DOCK1: variants seen among roughly 807,000 people sequenced by gnomAD.
DOCK1 encodes the protein dedicator of cytokinesis 1.
A neutral mutation model predicts 262.7 loss-of-function variants in DOCK1; 138 were observed. That is an observed-to-expected ratio of 0.53 (90% CI 0.46 to 0.61). DOCK1 has a LOEUF of 0.61. Among genes scored for constraint, DOCK1 ranks in the 20% least tolerant of loss-of-function variants. DOCK1 has a pLI of 0.00. For missense variants in DOCK1, 1,908 were observed against 2,370.7 expected (o/e 0.80, Z 4.05); for synonymous variants, 866 against 867.4 (o/e 1.00, Z 0.03).
intron 29 of DOCK1, among the ~76,000 whole-genome samples, chr10:127,311,024 T>C (rs1283802213): frequency 6.6e-6 from 1 of 152,226 alleles, no homozygotes; most frequent in African/African-American, 2.4e-5. Context: ...TACAGAGATA[T>C]TTGAAGATGA....
At chr10:127,124,149 G>A (rs1426997078) in intron 25 of DOCK1, among the ~76,000 whole-genome samples, 1 of 152,176 alleles carries the variant, frequency 6.6e-6, no homozygotes, top group Non-Finnish European at 1.5e-5. Context: ...TTACAGTGTA[G>A]TTCTTGGGAA....
At chr10:127,089,344 C>T (rs767631832) in intron 23 of DOCK1, among the ~76,000 whole-genome samples, 1 of 152,148 alleles carries the variant, frequency 6.6e-6, no homozygotes, top group Non-Finnish European at 1.5e-5. Context: ...CTGGAGGCCC[C>T]CACATCTGGA....
chr10:127,403,829 C>T (rs1343261216), intron 39 of DOCK1, among the ~76,000 whole-genome samples: 1 of 152,184 alleles, frequency 6.6e-6, no homozygotes, highest in Non-Finnish European at 1.5e-5. Flanking sequence ...TTTCTTCTGC[C>T]ATGGGAATGC....
At chr10:127,270,004 C>T (rs900635378) in intron 29 of DOCK1, among the ~76,000 whole-genome samples, 7 of 152,196 alleles carry the variant, frequency 4.6e-5, no homozygotes, top group Non-Finnish European at 4.4e-5. Context: ...CCGGGGACTC[C>T]ACCTGCCTCC....
intron 27 of DOCK1, among the ~76,000 whole-genome samples, chr10:127,241,139 C>G (rs2498938): frequency 6.6e-6 from 1 of 152,130 alleles, no homozygotes; most frequent in South Asian, 2.1e-4. Flanking sequence ...CCTGGCCAAC[C>G]TGGCAAAACC....
At chr10:127,337,281 G>A (rs919446775) in intron 29 of DOCK1, among the ~76,000 whole-genome samples, 1 of 152,046 alleles carries the variant, frequency 6.6e-6, no homozygotes, top group Admixed American at 6.6e-5. Context: ...GGGTCAGGTG[G>A]GTTACTTAGA....
In DOCK1 at chr10:127,175,340, A is replaced by G. The variant is rs148082953; in HGVS notation, c.2847+47576A>G. The G allele has an allele frequency of 1.9e-5, 30 of 1,614,072 alleles. No individual in the cohort carries two copies. The highest frequency in any genetic ancestry group is 6.7e-5 in the African/African-American group (5 of 75,028). On this transcript the variant is annotated intron_variant, in intron 27 of 51. Coordinates refer to ENST00000623213, the MANE Select transcript of DOCK1 (RefSeq NM_001290223.2). This position sits in a 1 kb window ranked among gnomAD's most constrained non-coding sequence, Gnocchi z 6.3. ...GTGCTTTGAGGTCGACCACTTCCGT[A>G]TGAGGCACGATTCGTTGGCATTCTT...
intron 27 of DOCK1, among the ~76,000 whole-genome samples, chr10:127,157,150 C>A (rs2053163108): frequency 6.6e-6 from 1 of 152,172 alleles, no homozygotes; most frequent in Admixed American, 6.5e-5. Flanking sequence ...TGTTGTGAAG[C>A]AGTATTTTGG....
intron 1 of DOCK1, among the ~76,000 whole-genome samples, chr10:126,947,135 C>A (rs2035480763): frequency 6.6e-6 from 1 of 152,178 alleles, no homozygotes; most frequent in Non-Finnish European, 1.5e-5. Context: ...AGCCCTATTT[C>A]ATAGGGTTGA....
At chr10:126,955,155 C>T (rs1423075515) in intron 1 of DOCK1, among the ~76,000 whole-genome samples, 1 of 152,164 alleles carries the variant, frequency 6.6e-6, no homozygotes, top group African/African-American at 2.4e-5. Flanking sequence ...GAGATGGAGT[C>T]TTGCTCTGTT....
chr10:127,411,890 C>G (rs2067873108), intron 43 of DOCK1, among the ~76,000 whole-genome samples: 1 of 152,208 alleles, frequency 6.6e-6, no homozygotes, highest in South Asian at 2.1e-4. Flanking sequence ...CCCCTTGTTG[C>G]AAACCACGGC....
chr10:127,321,762 C>G (rs1331450240), intron 29 of DOCK1, among the ~76,000 whole-genome samples: 1 of 150,010 alleles, frequency 6.7e-6, no homozygotes, highest in African/African-American at 2.5e-5. Flanking sequence ...CTTTCTAGAC[C>G]AGGTCAGTTC....
Position 127,008,870 on chromosome 10 carries a change from A to G in DOCK1, c.1058+66A>G, listed in dbSNP as rs545516720. ...TGGAAAACATAGGCTTGTAATAATT[A>G]TCTTTATAATTAAATGGATAAACAT... On this transcript the variant is annotated intron_variant, in intron 11 of 51. Transcript: ENST00000623213. The G allele has an allele frequency of 4.5e-6, 6 of 1,322,994 alleles. No individual in the cohort carries two copies. In the South Asian group the frequency reaches 8.0e-5, roughly 18 times the overall value. The allele number at this position is 1,322,994 out of a possible 1,614,324, so 82.0% of individuals were successfully genotyped here. A position where few individuals can be genotyped will look rare whatever the true frequency, so the allele number is the denominator to read the frequency against.
chr10:127,310,269 C>G (rs1365840390), intron 29 of DOCK1, among the ~76,000 whole-genome samples: 3 of 151,168 alleles, frequency 2.0e-5, no homozygotes, highest in African/African-American at 7.3e-5. Context: ...CACCCCACCC[C>G]CTTACCCCCA....
intron 21 of DOCK1, 80 bp downstream of exon 21, chr10:127,043,244 G>C (rs1224649718): frequency 9.0e-7 from 1 of 1,113,422 alleles, no homozygotes. Context: ...ATGTACTTTT[G>C]TCTATGACTG....
Position 127,362,157 on chromosome 10 carries a change from C to T in DOCK1, c.3377C>T (p.Pro1126Leu), listed in dbSNP as rs1045658598. 1.2e-6 allele frequency: 2 copies of T among 1,613,804 alleles called. No individual in the cohort carries two copies. The highest frequency in any genetic ancestry group is 1.3e-5 in the African/African-American group (1 of 74,896). ...PETELRKATIPIFFDMMQCEF... is the reference protein window; with the variant it reads ...PETELRKATILIFFDMMQCEF... ...ACGGAGCTGCGCAAAGCCACCATCC[C>T]CATCTTCTTTGATATGATGCAGTGT... Residue 1126 changes from proline to leucine, a missense_variant, in exon 33 of 52, where the codon CCC becomes CTC. Around this residue, in one of 9 missense-constraint regions of DOCK1, gnomAD observed 518 missense variants for 575.1 expected, o/e 0.90. Transcript: ENST00000623213.
chr10:127,451,260 C>T, intron 51 of DOCK1, 72 bp from the exon 52 acceptor site: 1 of 1,509,208 alleles, frequency 6.6e-7, no homozygotes, highest in Non-Finnish European at 9.0e-7. Context: ...AGGTCAGACC[C>T]CACCTGGAGA....
intron 30 of DOCK1, among the ~76,000 whole-genome samples, chr10:127,339,733 G>GTGTGTGCGCA (rs71032552): frequency 2.7e-4 from 30 of 109,336 alleles, no homozygotes; most frequent in Admixed American, 4.1e-4. Flanking sequence ...GTGTGTGTGT[G>GTGTGTGCGCA]TGCATGCTGT....
chr10:127,120,164 G>A (rs1214969663), intron 25 of DOCK1, among the ~76,000 whole-genome samples: 1 of 152,198 alleles, frequency 6.6e-6, no homozygotes, highest in African/African-American at 2.4e-5. Context: ...CTTCCTCGTA[G>A]GTCACCGTAG....
Sources: allele counts gnomAD v4.1 joint callset (sites outside exome capture counted in the v4.1 genomes callset), GRCh38; gene constraint gnomAD v4.1.1; regional missense constraint gnomAD v4.1.1; non-coding constraint Gnocchi (gnomAD v3.1); transcripts MANE v1.5; gene names NCBI Gene and HGNC (gene_info 2026-07-23, HGNC 2026-07-21).